HOXD11: variants seen among roughly 807,000 people sequenced by gnomAD.
HOXD11 encodes homeobox D11, also known as homeobox protein Hox-D11.
HOXD11 carries 16 observed loss-of-function variants against 23.1 expected under a neutral mutation model. The observed-to-expected ratio is 0.69, with a 90% CI of 0.47 to 1.05. The LOEUF is 1.05. Among genes scored for constraint, HOXD11 ranks in the 50% least tolerant of loss-of-function variants. The pLI is 0.00. For missense variants in HOXD11, 564 were observed against 495.6 expected, an observed-to-expected ratio of 1.14 and a Z score of -1.31; for synonymous variants, 262 against 224.4, an observed-to-expected ratio of 1.17 and a Z score of -1.50.
Position 176,108,129 on chromosome 2 carries a change from C to A in HOXD11, c.774C>A (p.Ser258Arg). ...PPGEAGAEKS[S>R]SAVAPQRSRK... ...GAGAGGCGGGGGCCGAGAAGAGCAG[C>A]AGCGCAGGTAGGCACCGGGTACTGG... Residue 258 changes from serine to arginine, a missense_variant, in exon 1 of 2, where the codon AGC becomes AGA. Transcript: ENST00000249504. 1 of 1,194,976 alleles carries A rather than the reference C, an allele frequency of 8.4e-7. No individual in the cohort carries two copies. The highest frequency in any genetic ancestry group is 4.3e-5 in the Admixed American group (1 of 23,398). The allele number at this position is 1,194,976 out of a possible 1,614,324, so 74.0% of individuals were successfully genotyped here.
At chr2:176,113,072 C>T (rs569306353), downstream of HOXD11, among the ~76,000 whole-genome samples, 8 of 152,242 alleles carry the variant, frequency 5.3e-5, no homozygotes, top group South Asian at 1.4e-3. Context: ...CTGGATAGAC[C>T]CCTTATTGCA....
In HOXD11 at chr2:176,107,453, C is replaced by T. The variant is rs768359612; in HGVS notation, c.98C>T (p.Ser33Leu). Residue 33 changes from serine to leucine, a missense_variant, in exon 1 of 2, where the codon TCG becomes TTG. Ser to Leu is a moderately radical substitution (Grantham distance 145). Coordinates refer to ENST00000249504, the MANE Select transcript of HOXD11 (RefSeq NM_021192.3). ...CCGTCTGACTTCGCTAGCAAGCCTT[C>T]GTTCCTTTCCCAACCGTCGTCCTGC... ...VAPSDFASKP[S>L]FLSQPSSCQM... 3 of 1,614,024 alleles carry T rather than the reference C, an allele frequency of 1.9e-6. No homozygotes were observed. The highest frequency in any genetic ancestry group is 2.2e-5 in the East Asian group (1 of 44,846).
At chr2:176,108,859 G>A (rs201459503) in intron 1 of HOXD11, 48 bp from the exon 2 acceptor site, 2 of 1,393,342 alleles carry the variant, frequency 1.4e-6, no homozygotes, top group East Asian at 2.3e-5. Context: ...GCGGGTGGGG[G>A]CTGTCAGGCA....
chr2:176,109,750 T>C lies in HOXD11; in HGVS notation c.*608T>C, dbSNP rs1689649876. The C allele has an allele frequency of 5.5e-6, 1 of 180,732 alleles. No individual in the cohort carries two copies. The highest frequency in any genetic ancestry group is 2.4e-5 in the African/African-American group (1 of 42,376). The allele number at this position is 180,732 out of a possible 1,614,324, so 11.2% of individuals were successfully genotyped here. ...CAACTGAAAATCGAATGAAATACTT[T>C]TTAGTCCCACTAAAATAGTAGTCGT... On this transcript the variant is annotated 3_prime_UTR_variant, in exon 2 of 2. Transcript: ENST00000249504.
At chr2:176,114,735 C>CT (rs1399334959), downstream of HOXD11, among the ~76,000 whole-genome samples, 1 of 152,200 alleles carries the variant, frequency 6.6e-6, no homozygotes, top group Non-Finnish European at 1.5e-5. Flanking sequence ...TGCTGAGGCG[C>CT]TTTAATGAAC....
chr2:176,107,536 G>T lies in HOXD11; in HGVS notation c.181G>T (p.Val61Leu), dbSNP rs368573737. ...TCCGCACGTCCAGCCCGTGCGCGAAGTGGCCTTCCGCGACTACGGCCTGGA... is the reference window on the plus strand; with the variant it reads ...TCCGCACGTCCAGCCCGTGCGCGAATTGGCCTTCCGCGACTACGGCCTGGA... Reference protein sequence around the residue: ...LAPHVQPVREVAFRDYGLERA... With the variant: ...LAPHVQPVRELAFRDYGLERA... Residue 61 changes from valine (V) to leucine (L), a missense_variant, in exon 1 of 2, where the codon GTG (valine) becomes TTG (leucine). Transcript: ENST00000249504. The T allele has an allele frequency of 6.2e-7, 1 of 1,612,886 alleles. No individual in the cohort carries two copies. Among genetic ancestry groups the T allele is most frequent in the African/African-American group, 1.3e-5 (1 of 75,004 alleles).
At position 176,108,121 on chromosome 2, in the gene HOXD11, A is replaced by G; in HGVS notation, c.766A>G (p.Lys256Glu). 1 of 1,192,602 alleles carries G rather than the reference A, an allele frequency of 8.4e-7. No homozygotes were observed. The highest frequency in any genetic ancestry group is 1.5e-5 in the South Asian group (1 of 65,244). 73.9% of individuals were successfully genotyped at this position (1,192,602 alleles called of 1,614,324 possible). A position where few individuals can be genotyped will look rare whatever the true frequency, so the allele number is the denominator to read the frequency against. ...CCCCCCGGGAGAGGCGGGGGCCGAGAAGAGCAGCAGCGCAGGTAGGCACCG... is the reference window on the plus strand; with the variant it reads ...CCCCCCGGGAGAGGCGGGGGCCGAGGAGAGCAGCAGCGCAGGTAGGCACCG... ...EGPPGEAGAE[K>E]SSSAVAPQRS... The change falls in exon 1 of 2, where the codon AAG becomes GAG. Residue 256 changes from lysine (K) to glutamate (E), a missense_variant. Physicochemically the swap from Lys to Glu is moderately conservative, Grantham distance 56. Coordinates refer to ENST00000249504, the MANE Select transcript of HOXD11 (RefSeq NM_021192.3).
chr2:176,110,157 A>G (rs573447580), downstream of HOXD11, among the ~76,000 whole-genome samples: 78 of 151,904 alleles, frequency 5.1e-4, no homozygotes, highest in Non-Finnish European at 8.8e-4. Flanking sequence ...GGGAAGGTAA[A>G]CCCTCCCCGC....
chr2:176,107,572 T>C lies in HOXD11; in HGVS notation c.217T>C (p.Trp73Arg). The change falls in exon 1 of 2, where the codon TGG (tryptophan) becomes CGG (arginine). Residue 73 changes from tryptophan to arginine, a missense_variant. By Grantham distance (101) the Trp-to-Arg change is moderately radical. Transcript: ENST00000249504. ...FRDYGLERAK[W>R]PYRGGGGGGS... ...CGACTACGGCCTGGAGCGCGCCAAG[T>C]GGCCGTACCGCGGCGGCGGCGGCGG... 1.3e-6 allele frequency: 2 copies of C among 1,514,424 alleles called. No individual in the cohort carries two copies. Among genetic ancestry groups the C allele is most frequent in the South Asian group, 1.3e-5 (1 of 77,612 alleles). The allele number at this position is 1,514,424 out of a possible 1,614,324, so 93.8% of individuals were successfully genotyped here.
In HOXD11 at chr2:176,107,961, A is replaced by G; in HGVS notation, c.606A>G (p.Pro202=). ...AGCCCCCGCCGCCACCCGCGCCGCC[A>G]CAGCCCGAGGGCGCAGCCGACAAGG... ...GPQPPPPPAP[P]QPEGAADKGD... is the part of the protein sequence containing the mutation. Residue 202 remains proline, a synonymous_variant, in exon 1 of 2, where the codon CCA becomes CCG. Transcript: ENST00000249504. 3 of 1,401,174 alleles carry G rather than the reference A, an allele frequency of 2.1e-6. No homozygotes were observed. The highest frequency in any genetic ancestry group is 2.8e-6 in the Non-Finnish European group (3 of 1,082,790). The allele number at this position is 1,401,174 out of a possible 1,614,324, so 86.8% of individuals were successfully genotyped here.
At chr2:176,114,868 T>G in the HOXD11 span, among the ~76,000 whole-genome samples, 38 of 152,324 alleles carry the variant, frequency 2.5e-4, no homozygotes, top group African/African-American at 9.1e-4. Flanking sequence ...AGAACACAGA[T>G]GCCCTCCCGG....
In HOXD11 at chr2:176,107,362, G is replaced by C. The variant is rs1363536249; in HGVS notation, c.7G>C (p.Asp3His). Residue 3 changes from aspartate (D) to histidine (H), a missense_variant, in exon 1 of 2, where the codon GAC becomes CAC. By Grantham distance (81) the Asp-to-His change is moderately conservative. Coordinates refer to ENST00000249504, the MANE Select transcript of HOXD11 (RefSeq NM_021192.3). The part of the protein sequence containing the change: MN[D>H]FDECGQSAAS... ...GCGCGCACGCCGCGGAGTCATGAAC[G>C]ACTTTGACGAGTGCGGCCAGAGCGC... 5.6e-6 allele frequency: 9 copies of C among 1,601,424 alleles called. No homozygotes were observed. Among genetic ancestry groups the C allele is most frequent in the East Asian group, 2.3e-5 (1 of 43,886 alleles).
At position 176,107,406 on chromosome 2, in the gene HOXD11, G is replaced by T. The variant is rs535125846; in HGVS notation, c.51G>T (p.Pro17=). 3 of 1,613,596 alleles carry T rather than the reference G, an allele frequency of 1.9e-6. No individual in the cohort carries two copies. The highest frequency in any genetic ancestry group is 1.1e-5 in the South Asian group (1 of 90,996). Reference sequence around the variant, plus strand: ...AGAGCGCAGCCAGCATGTACCTGCCGGGCTGCGCCTACTATGTGGCCCCGT... The same window carrying T: ...AGAGCGCAGCCAGCATGTACCTGCCTGGCTGCGCCTACTATGTGGCCCCGT... ...CGQSAASMYL[P]GCAYYVAPSD... The change falls in exon 1 of 2, where the codon CCG becomes CCT. Residue 17 remains proline, a synonymous_variant. Coordinates refer to ENST00000249504, the MANE Select transcript of HOXD11 (RefSeq NM_021192.3).
At chr2:176,115,067 C>A in the HOXD11 span, among the ~76,000 whole-genome samples, 1 of 152,264 alleles carries the variant, frequency 6.6e-6, no homozygotes, top group Non-Finnish European at 1.5e-5. Flanking sequence ...GGGCGGCTCA[C>A]CCGCCTGCAG....
chr2:176,107,764 C>G lies in HOXD11; in HGVS notation c.409C>G (p.Pro137Ala). ...GCTTCTCCCGCCCGCGGGCCGCCGG[C>G]CGGACGTGCTCTTCAAGGCGCCTGA... ...RELLPPAGRR[P>A]DVLFKAPEPV... Residue 137 changes from proline (P) to alanine (A), a missense_variant, in exon 1 of 2, where the codon CCG becomes GCG. Transcript: ENST00000249504. 1 of 1,245,408 alleles carries G rather than the reference C, an allele frequency of 8.0e-7. No individual in the cohort carries two copies. Among genetic ancestry groups the G allele is most frequent in the Non-Finnish European group, 1.0e-6 (1 of 997,100 alleles). 77.1% of individuals were successfully genotyped at this position (1,245,408 alleles called of 1,614,324 possible).
chr2:176,109,778 C>T (rs181626584), downstream of HOXD11: 1 of 175,540 alleles, frequency 5.7e-6, no homozygotes, highest in African/African-American at 2.4e-5. Flanking sequence ...GTAGTCGTAC[C>T]CTCCCACCAC....
At chr2:176,114,335 T>G (rs896077123), downstream of HOXD11, among the ~76,000 whole-genome samples, 2 of 152,168 alleles carry the variant, frequency 1.3e-5, no homozygotes, top group South Asian at 4.1e-4. Flanking sequence ...TGTCTTGTTT[T>G]GTTTTTCCGG....
downstream of HOXD11, among the ~76,000 whole-genome samples, chr2:176,110,500 T>A (rs1437003535): frequency 1.3e-5 from 2 of 152,176 alleles, no homozygotes; most frequent in African/African-American, 4.8e-5. Context: ...AATCTATAAA[T>A]GCACAGTACC....
At chr2:176,111,636 G>A (rs1207516634), downstream of HOXD11, 2 of 151,208 alleles carry the variant, frequency 1.3e-5, no homozygotes, top group Non-Finnish European at 2.9e-5. Context: ...AGACAAAGCT[G>A]TTGCAAAAGA....
Sources: allele counts gnomAD v4.1 joint callset (sites outside exome capture counted in the v4.1 genomes callset), GRCh38; gene constraint gnomAD v4.1.1; transcripts MANE v1.5; gene names NCBI Gene and HGNC (gene_info 2026-07-23, HGNC 2026-07-21).